Variants in PCDH20 observed in about 807,000 individuals in gnomAD.
The protein encoded by PCDH20 is protocadherin-20.
In PCDH20, 18 loss-of-function variants were observed where a neutral mutation model predicts 39.7. That is an observed-to-expected ratio of 0.45 (90% confidence interval 0.31 to 0.67). The LOEUF (loss-of-function observed/expected upper bound fraction) is 0.67. Among genes scored for constraint, PCDH20 ranks in the 30% least tolerant of loss-of-function variants. The pLI, the probability that PCDH20 is intolerant of heterozygous loss-of-function variation, is 0.05. For missense variants in PCDH20, 1,161 were observed against 1,167.4 expected, an observed-to-expected ratio of 0.99 and a Z score of 0.08; for synonymous variants, 495 against 455.4, an observed-to-expected ratio of 1.09 and a Z score of -1.11.
At chr13:61,413,777 G>A in exon 2 of PCDH20, 1 of 1,613,528 alleles carries the variant, frequency 6.2e-7, no homozygotes, top group Non-Finnish European at 8.5e-7. Flanking sequence ...GCACCGGTGC[G>A]CTCTGGCAGC....
chr13:61,412,974 T>C, exon 2 of PCDH20: 1 of 1,614,178 alleles, frequency 6.2e-7, no homozygotes, highest in Non-Finnish European at 8.5e-7. Context: ...CTCCAGTGTT[T>C]TCATCCAGGT....
chr13:61,415,001 C>G, intron 1 of PCDH20, 26 bp downstream of exon 1: 1 of 1,393,634 alleles, frequency 7.2e-7, no homozygotes, highest in Non-Finnish European at 9.4e-7. Flanking sequence ...GTCGGGGTCG[C>G]GGGGTTCCTT....
chr13:61,411,760 A>G, exon 2 of PCDH20: 1 of 1,614,206 alleles, frequency 6.2e-7, no homozygotes, highest in Non-Finnish European at 8.5e-7. Flanking sequence ...GCTGTAAGCT[A>G]TGACAGCATT....
At chr13:61,411,992 C>T in exon 2 of PCDH20, 5 of 1,614,138 alleles carry the variant, frequency 3.1e-6, no homozygotes, top group Non-Finnish European at 4.2e-6. Context: ...CTTTGCTGCT[C>T]TCTGTCCAAA....
At chr13:61,412,767 C>T in exon 2 of PCDH20, 12 of 1,614,112 alleles carry the variant, frequency 7.4e-6, no homozygotes, top group Non-Finnish European at 9.3e-6. Flanking sequence ...TAACGGGTTC[C>T]AGTTCTTTCA....
Position 61,415,177 on chromosome 13 carries a change from C to G in PCDH20, c.-19G>C. On this transcript the variant is annotated 5_prime_UTR_variant, in exon 1 of 2. The change abolishes the stop of an existing upstream ORF in the 5' untranslated region. Transcript: ENST00000409204. Reference sequence around the variant, plus strand: ...CGCGCATTCCCTGGGAGGCTGCAGTCAGAGCGCTCTTGAAGGGAGGGCGGC... The same window carrying G: ...CGCGCATTCCCTGGGAGGCTGCAGTGAGAGCGCTCTTGAAGGGAGGGCGGC... The G allele has an allele frequency of 7.1e-7, 1 of 1,399,724 alleles. No homozygotes were observed. Among genetic ancestry groups the G allele is most frequent in the Non-Finnish European group, 9.4e-7 (1 of 1,062,122 alleles). 86.7% of individuals were successfully genotyped at this position (1,399,724 alleles called of 1,614,324 possible).
At chr13:61,411,382 C>A (rs774977554) in exon 2 of PCDH20, 1 of 1,614,054 alleles carries the variant, frequency 6.2e-7, no homozygotes. Flanking sequence ...TATGCCCATC[C>A]CTGTGACCAG....
At chr13:61,413,028 A>G in exon 2 of PCDH20, 2 of 1,614,190 alleles carry the variant, frequency 1.2e-6, no homozygotes, top group Non-Finnish European at 1.7e-6. Context: ...GACTGTAAGA[A>G]TAAGTAATTT....
At chr13:61,409,884 C>A (rs985473814) in exon 2 of PCDH20, 2 of 151,952 alleles carry the variant, frequency 1.3e-5, no homozygotes, top group Admixed American at 6.6e-5. Context: ...CTTTAATTTG[C>A]AGACATATAA....
rs759923740 is a variant in PCDH20 at position 61,411,608 on chromosome 13, C to T, written c.2491G>A (p.Glu831Lys). Residue 831 changes from glutamate (E) to lysine (K), a missense_variant, in exon 2 of 2, where the codon GAG becomes AAG. This residue lies in a region of PCDH20 where 754 missense variants were observed against 777.5 expected (regional missense o/e 0.97). Transcript: ENST00000409204. Reference sequence around the variant, plus strand: ...ACCATGACTGTGGAGTGGAGAGGCTCGGGATAACCATGATCACTCACTTTC... The same window carrying T: ...ACCATGACTGTGGAGTGGAGAGGCTTGGGATAACCATGATCACTCACTTTC... 19 of 1,614,032 alleles carry T rather than the reference C, an allele frequency of 1.2e-5. No individual in the cohort carries two copies. The highest frequency in any genetic ancestry group is 3.3e-5 in the South Asian group (3 of 91,082).
In PCDH20 at chr13:61,413,986, G is replaced by T; in HGVS notation, c.133-20C>A. On this transcript the variant is annotated intron_variant, in intron 1 of 1. Coordinates refer to ENST00000409204, the Ensembl canonical transcript of PCDH20. ...CAGATGCTGGAGTTGGGGGAGGGAA[G>T]AAAGCTCATTACACACACGGGGAAA... 1 of 1,584,354 alleles carries T rather than the reference G, an allele frequency of 6.3e-7. No homozygotes were observed. Among genetic ancestry groups the T allele is most frequent in the Non-Finnish European group, 8.6e-7 (1 of 1,160,022 alleles).
exon 2 of PCDH20, chr13:61,412,135 T>C: frequency 1.2e-6 from 2 of 1,614,170 alleles, no homozygotes; most frequent in Non-Finnish European, 1.7e-6. Context: ...AATCTCACCA[T>C]AGCCTGGAAA....
rs866914126 is a variant in PCDH20 at position 61,412,121 on chromosome 13, C to A, written c.1978G>T (p.Val660Leu). ...GCGTCAGCATCTGTTACACTAATTA[C>A]TCCAATCTCACCATAGCCTGGAAAG... is the stretch of plus-strand genomic sequence containing the variant. Residue 660 changes from valine to leucine, a missense_variant, in exon 2 of 2, where the codon GTA becomes TTA. Coordinates refer to ENST00000409204, the Ensembl canonical transcript of PCDH20. 13 of 1,614,124 alleles carry A rather than the reference C, an allele frequency of 8.1e-6. 1 individual carries two copies. The Middle Eastern group carries it at 2.1e-3, about 266-fold the overall frequency.
At chr13:61,415,149 G>C (rs755127076) in exon 1 of PCDH20, 1 of 1,451,792 alleles carries the variant, frequency 6.9e-7, no homozygotes, top group Admixed American at 2.5e-5. Context: ...GCATTCCCTC[G>C]GCCGCGCATT....
At chr13:61,414,559 A>T (rs1871493912) in intron 1 of PCDH20, among the ~76,000 whole-genome samples, 1 of 152,212 alleles carries the variant, frequency 6.6e-6, no homozygotes, top group Admixed American at 6.5e-5. Flanking sequence ...TAGGTCGGAA[A>T]GAGTGATTTT....
chr13:61,412,814 G>A (rs765269155), exon 2 of PCDH20: 26 of 1,613,920 alleles, frequency 1.6e-5, no homozygotes, highest in Non-Finnish European at 2.1e-5. Context: ...GCTATGTAAC[G>A]AGGGACAATT....
chr13:61,411,382 C>T, exon 2 of PCDH20: 1 of 1,614,054 alleles, frequency 6.2e-7, no homozygotes, highest in Non-Finnish European at 8.5e-7. Context: ...TATGCCCATC[C>T]CTGTGACCAG....
exon 1 of PCDH20, chr13:61,415,233 C>G: frequency 7.8e-7 from 1 of 1,284,374 alleles, no homozygotes; most frequent in Non-Finnish European, 9.9e-7. Flanking sequence ...TCATGCAAAT[C>G]GCTGGGGGAA....
exon 2 of PCDH20, chr13:61,411,843 C>T (rs767793147): frequency 6.2e-7 from 1 of 1,613,976 alleles, no homozygotes; most frequent in Non-Finnish European, 8.5e-7. Context: ...GCAGTACTAA[C>T]AGATAAGACA....
Sources: allele counts gnomAD v4.1 joint callset (sites outside exome capture counted in the v4.1 genomes callset), GRCh38; gene constraint gnomAD v4.1.1; regional missense constraint gnomAD v4.1.1; transcripts MANE v1.5; gene names NCBI Gene and HGNC (gene_info 2026-07-23, HGNC 2026-07-21).